TREM1: variants seen among roughly 807,000 people sequenced by gnomAD.
TREM1 encodes the protein triggering receptor expressed on monocytes 1.
Under a neutral mutation model 22.4 loss-of-function variants are expected in TREM1, and 16 were observed. That is an observed-to-expected ratio of 0.71 (90% CI 0.48 to 1.08). TREM1 has a LOEUF of 1.08. Among genes scored for constraint, TREM1 ranks in the 50% least tolerant of loss-of-function variants. The pLI, the probability that TREM1 is intolerant of heterozygous loss-of-function variation, is 0.00. For missense variants in TREM1, 283 were observed against 282.9 expected (o/e 1.00, Z 0.00); for synonymous variants, 110 against 111.6 (o/e 0.99, Z 0.09).
chr6:41,284,606 A>T (rs1340951912), intron 1 of TREM1, among the ~76,000 whole-genome samples: 1 of 152,186 alleles, frequency 6.6e-6, no homozygotes, highest in Non-Finnish European at 1.5e-5. Flanking sequence ...CAGGCTAGAC[A>T]GTGCTGCTGG....
chr6:41,271,587 G>A (rs1168941648), downstream of TREM1, among the ~76,000 whole-genome samples: 1 of 152,122 alleles, frequency 6.6e-6, no homozygotes, highest in African/African-American at 2.4e-5. Context: ...TTTTTAAGGG[G>A]AGACTCTGTC....
In TREM1 at chr6:41,275,420, C is replaced by G. The variant is rs781243654; in HGVS notation, c.*705G>C. 1 of 152,138 alleles carries G rather than the reference C, an allele frequency of 6.6e-6. No homozygotes were observed. The highest frequency in any genetic ancestry group is 1.5e-5 in the Non-Finnish European group (1 of 68,078). The allele number at this position is 152,138 out of a possible 1,614,324, so 9.4% of individuals were successfully genotyped here. ...CTAGTCACATACATTTCTGCCTTCACGGGGCTATTTTCAGGATCCAGCGAT... is the reference window on the plus strand; with the variant it reads ...CTAGTCACATACATTTCTGCCTTCAGGGGGCTATTTTCAGGATCCAGCGAT... On this transcript the variant is annotated 3_prime_UTR_variant, in exon 4 of 4. Coordinates refer to ENST00000244709, the MANE Select transcript of TREM1 (RefSeq NM_018643.5).
At chr6:41,277,345 CA>C (rs1478218367) in intron 3 of TREM1, among the ~76,000 whole-genome samples, 23 of 147,338 alleles carry the variant, frequency 1.6e-4, no homozygotes, top group African/African-American at 5.5e-4. Context: ...TGGTGGGGGA[CA>C]GGGGGCAGAG....
downstream of TREM1, among the ~76,000 whole-genome samples, chr6:41,269,357 G>A (rs561213947): frequency 6.6e-6 from 1 of 152,300 alleles, no homozygotes; most frequent in African/African-American, 2.4e-5. Flanking sequence ...AAGAGGAACA[G>A]CTTTTCATTG....
intron 3 of TREM1, among the ~76,000 whole-genome samples, chr6:41,278,752 G>T (rs1561918972): frequency 6.6e-6 from 1 of 152,146 alleles, no homozygotes; most frequent in Non-Finnish European, 1.5e-5. Flanking sequence ...TGAAAGGATA[G>T]TTCATATTAG....
chr6:41,282,474 T>C lies in TREM1; in HGVS notation c.327A>G (p.Gly109=). The C allele has an allele frequency of 3.7e-6, 6 of 1,614,122 alleles. No homozygotes were observed. The highest frequency in any genetic ancestry group is 5.1e-6 in the Non-Finnish European group (6 of 1,180,004). ...GCTGGTAGATCACACACTGATACAG[T>C]CCAGAATCTTCCACTTGAAGGTTGA... The part of the protein sequence containing the change: ...RMVNLQVEDS[G]LYQCVIYQPP... Residue 109 remains glycine (G), a synonymous_variant, in exon 2 of 4, where the codon GGA becomes GGG. Transcript: ENST00000244709.
intron 3 of TREM1, chr6:41,268,127 C>T (rs974441153): frequency 5.0e-6 from 2 of 398,494 alleles, no homozygotes; most frequent in African/African-American, 2.1e-5. Context: ...GGTCAGGGAG[C>T]CCATACAGGA....
rs966685960 is a variant in TREM1 at position 41,279,634 on chromosome 6, G to A, written c.599+1327C>T. 18 of 985,218 alleles carry A rather than the reference G, an allele frequency of 1.8e-5. No homozygotes were observed. The African/African-American group carries it at 3.1e-4, about 17-fold the overall frequency. The allele number at this position is 985,218 out of a possible 1,614,324, so 61.0% of individuals were successfully genotyped here. A position where few individuals can be genotyped will look rare whatever the true frequency, so the allele number is the denominator to read the frequency against. The stretch of plus-strand genomic sequence containing the variant: ...AAGGCACTGCCACTACCCATATGGA[G>A]GTGGAGTCTACACTCATAGAGAAAT... On this transcript the variant is annotated intron_variant, in intron 3 of 3. Transcript: ENST00000244709.
exon 4 of TREM1, chr6:41,267,943 T>C: frequency 2.5e-6 from 1 of 398,642 alleles, no homozygotes; most frequent in Non-Finnish European, 4.4e-6. Flanking sequence ...TTTCAGGGCG[T>C]AGGTTTTCCT....
downstream of TREM1, among the ~76,000 whole-genome samples, chr6:41,270,446 A>ATAT (rs1325572554): frequency 6.9e-6 from 1 of 144,008 alleles, no homozygotes; most frequent in African/African-American, 2.8e-5. Context: ...GATATTATAT[A>ATAT]ATATATATAT....
intron 3 of TREM1, chr6:41,280,185 A>T (rs1767847142): frequency 1.0e-6 from 1 of 956,556 alleles, no homozygotes; most frequent in Non-Finnish European, 1.2e-6. Flanking sequence ...ATGTTAGACT[A>T]GTGGTGATGT....
At position 41,283,717 on chromosome 6, in the gene TREM1, A is replaced by ACAC. The variant is rs576199081; in HGVS notation, c.50-967_50-966insGTG. ...ACAGGGCAAGACTCTGTTAAAAAAA[A>ACAC]AAACACACACACACACACACACATA... On this transcript the variant is annotated intron_variant, in intron 1 of 3. Coordinates refer to ENST00000244709, the MANE Select transcript of TREM1 (RefSeq NM_018643.5). 1.2e-3 allele frequency among the ~76,000 whole-genome samples: 151 copies of ACAC among 123,846 alleles called. 1 individual carries two copies. Among genetic ancestry groups the ACAC allele is most frequent in the African/African-American group, 4.4e-3 (141 of 32,236 alleles). The allele number at this position is 123,846 out of a possible 152,430, so 81.2% of individuals were successfully genotyped here. A position where few individuals can be genotyped will look rare whatever the true frequency, so the allele number is the denominator to read the frequency against.
chr6:41,272,126 A>G (rs1170158986), downstream of TREM1, among the ~76,000 whole-genome samples: 1 of 152,202 alleles, frequency 6.6e-6, no homozygotes. Context: ...CCTTGGGGGA[A>G]GTGTGACTCG....
chr6:41,276,962 T>C (rs1448687149), intron 3 of TREM1, among the ~76,000 whole-genome samples: 2 of 152,062 alleles, frequency 1.3e-5, no homozygotes, highest in Non-Finnish European at 2.9e-5. Flanking sequence ...GATCATTTAG[T>C]AAATAGTCTT....
intron 3 of TREM1, among the ~76,000 whole-genome samples, chr6:41,277,784 G>C (rs898524797): frequency 1.3e-5 from 2 of 152,148 alleles, no homozygotes; most frequent in Non-Finnish European, 2.9e-5. Flanking sequence ...ACAAGACTGA[G>C]CCAGAGTTAT....
At chr6:41,269,743 C>T (rs1767425789), downstream of TREM1, 1 of 152,230 alleles carries the variant, frequency 6.6e-6, no homozygotes, top group East Asian at 1.9e-4. Flanking sequence ...CCCCTGGTTT[C>T]AGGCCTGCAA....
rs925331837 is a variant in TREM1, at chr6:41,274,599, G to A, written c.*1526C>T. Among the ~76,000 whole-genome samples, 51 of 152,118 alleles carry A rather than the reference G, an allele frequency of 3.4e-4. No homozygotes were observed. Among genetic ancestry groups the A allele is most frequent in the Admixed American group, 2.6e-3 (40 of 15,276 alleles). Reference sequence around the variant, plus strand: ...GATTAACAGCTTCTGGATCTAGTGCGTCTGCAAAGATTCTCACCAGAGCAT... The same window carrying A: ...GATTAACAGCTTCTGGATCTAGTGCATCTGCAAAGATTCTCACCAGAGCAT... On this transcript the variant is annotated 3_prime_UTR_variant, in exon 4 of 4. Transcript: ENST00000244709.
chr6:41,286,651 C>G lies in TREM1; in HGVS notation c.5G>C (p.Arg2Thr). 1 of 1,614,090 alleles carries G rather than the reference C, an allele frequency of 6.2e-7. No homozygotes were observed. The highest frequency in any genetic ancestry group is 1.1e-5 in the South Asian group (1 of 91,056). ...CAGCAGCCCCCAGAGCCTGGTCTTC[C>G]TCATCCTTCCTGTGCACCAGCTCCA... is the stretch of plus-strand genomic sequence containing the variant. M[R>T]KTRLWGLLWM... The change falls in exon 1 of 4, where the codon AGG becomes ACG. Residue 2 changes from arginine to threonine, a missense_variant. Coordinates refer to ENST00000244709, the MANE Select transcript of TREM1 (RefSeq NM_018643.5).
chr6:41,281,352 C>A, intron 2 of TREM1, 199 bp from the exon 3 acceptor site: 1 of 611,964 alleles, frequency 1.6e-6, no homozygotes, highest in Non-Finnish European at 2.7e-6. Flanking sequence ...CAAAGAAATA[C>A]TGTGGAGTCA....
Sources: gnomAD v4.1 joint callset for allele counts (sites outside exome capture counted in the v4.1 genomes callset) on GRCh38, gnomAD v4.1.1 for gene constraint, MANE v1.5 for transcripts, NCBI Gene and HGNC (gene_info 2026-07-23, HGNC 2026-07-21) for gene names.